TGFBRAP1: variants seen among roughly 807,000 people sequenced by gnomAD.
TGFBRAP1 encodes the protein transforming growth factor beta receptor associated protein 1, also known as transforming growth factor-beta receptor-associated protein 1.
A neutral mutation model predicts 83.2 loss-of-function variants in TGFBRAP1; 20 were observed. The observed-to-expected ratio is 0.24, with a 90% CI of 0.17 to 0.35. TGFBRAP1 has a LOEUF of 0.35. Ranked by LOEUF, TGFBRAP1 falls within the 10% of genes least tolerant of loss-of-function variation. The probability of loss-of-function intolerance (pLI) is 1.00; values close to 1 mark genes in which losing one functional copy is unlikely to be tolerated. For missense variants in TGFBRAP1, 950 were observed against 1,099.4 expected (o/e 0.86, Z 1.92); for synonymous variants, 415 against 459.8 (o/e 0.90, Z 1.25).
intron 1 of TGFBRAP1, among the ~76,000 whole-genome samples, chr2:105,314,211 T>C (rs555295738): frequency 6.6e-6 from 1 of 152,058 alleles, no homozygotes; most frequent in East Asian, 1.9e-4. Context: ...TGAAGTAATA[T>C]TTCTGTTGTT....
chr2:105,267,316 C>T lies in TGFBRAP1; in HGVS notation c.*67G>A, dbSNP rs955663075. On this transcript the variant is annotated 3_prime_UTR_variant, in exon 12 of 12. Transcript: ENST00000393359. ...GGCTGACACAGAGCATGGTGGTCAT[C>T]TGCTCTTCATGTCCAGCAGGCTCAG... The T allele has an allele frequency of 3.2e-6, 5 of 1,583,894 alleles. No individual in the cohort carries two copies. Among genetic ancestry groups the T allele is most frequent in the Non-Finnish European group, 4.3e-6 (5 of 1,162,806 alleles).
intron 1 of TGFBRAP1, among the ~76,000 whole-genome samples, chr2:105,314,060 A>G (rs1359107913): frequency 6.6e-6 from 1 of 151,964 alleles, no homozygotes; most frequent in East Asian, 1.9e-4. Flanking sequence ...GTGTCCTTAT[A>G]AAAAGGGGAA....
downstream of TGFBRAP1, among the ~76,000 whole-genome samples, chr2:105,261,193 C>T (rs1676779455): frequency 6.6e-6 from 1 of 152,136 alleles, no homozygotes. Flanking sequence ...CTGACCACCC[C>T]AGTTCTATCA....
rs375639571 is a variant in TGFBRAP1, at chr2:105,298,711, A to G, written c.689-6T>C. The G allele has an allele frequency of 3.6e-5, 56 of 1,563,528 alleles. No homozygotes were observed. Among genetic ancestry groups the G allele is most frequent in the Non-Finnish European group, 4.8e-5 (55 of 1,148,662 alleles). ...TGCGACTGTGGCAAACATGCCTAGA[A>G]GTAAGAAGAAAGAGTTAGGTAGGCT... On this transcript the variant is annotated splice_region_variant and splice_polypyrimidine_tract_variant and intron_variant, in intron 2 of 11. Transcript: ENST00000393359.
At position 105,269,721 on chromosome 2, in the gene TGFBRAP1, T is replaced by C. The variant is rs1435803200; in HGVS notation, c.1973-16A>G. 6 of 1,498,508 alleles carry C rather than the reference T, an allele frequency of 4.0e-6. No homozygotes were observed. Among genetic ancestry groups the C allele is most frequent in the African/African-American group, 1.4e-5 (1 of 72,004 alleles). The allele number at this position is 1,498,508 out of a possible 1,614,324, so 92.8% of individuals were successfully genotyped here. On this transcript the variant is annotated splice_polypyrimidine_tract_variant and intron_variant, in intron 10 of 11. Coordinates refer to ENST00000393359, the MANE Select transcript of TGFBRAP1 (RefSeq NM_004257.6). The surrounding 1 kb of genome is among the most constrained non-coding windows in gnomAD (Gnocchi z 4.1). ...TGCAGCCTCTCTGCAAGACAGAACC[T>C]GCAGCTCAGAAAGAAAGGGGCTCGC... is the stretch of plus-strand genomic sequence containing the variant.
At chr2:105,282,289 C>G (rs1348390318) in intron 5 of TGFBRAP1, among the ~76,000 whole-genome samples, 1 of 152,182 alleles carries the variant, frequency 6.6e-6, no homozygotes, top group Non-Finnish European at 1.5e-5. Flanking sequence ...GATACAACGA[C>G]AGGGTGCAGG....
Position 105,305,918 on chromosome 2 carries a change from G to C in TGFBRAP1, c.688+1696C>G, listed in dbSNP as rs963281205. Among the ~76,000 whole-genome samples, 5 of 152,174 alleles carry C rather than the reference G, an allele frequency of 3.3e-5. No homozygotes were observed. In the East Asian group the frequency reaches 9.6e-4, roughly 29 times the overall value. ...GATCTGCCTGCTTCGGCATCCCAAA[G>C]TGCTGGGATTACAGGCGTGAGCCAC... is the stretch of plus-strand genomic sequence containing the variant. On this transcript the variant is annotated intron_variant, in intron 2 of 11. Transcript: ENST00000393359.
At chr2:105,320,624 A>G (rs1679028546) in intron 1 of TGFBRAP1, among the ~76,000 whole-genome samples, 1 of 152,230 alleles carries the variant, frequency 6.6e-6, no homozygotes, top group Non-Finnish European at 1.5e-5. Context: ...CACAGCCCTT[A>G]AAATTTTAAC....
At chr2:105,290,160 G>A (rs1411320026) in intron 4 of TGFBRAP1, among the ~76,000 whole-genome samples, 3 of 152,172 alleles carry the variant, frequency 2.0e-5, no homozygotes, top group Non-Finnish European at 2.9e-5. Context: ...TCCGCCTCAC[G>A]GGTTCAAGTG....
In TGFBRAP1 at chr2:105,308,991, G is replaced by T. The variant is rs186060554; in HGVS notation, c.-17-673C>A. Among the ~76,000 whole-genome samples the T allele has an allele frequency of 3.9e-4, 60 of 152,324 alleles. 1 individual carries two copies. The highest frequency in any genetic ancestry group is 7.7e-4 in the East Asian group (4 of 5,172). ...TCCGGAGTAAATGTATTCATGTGGA[G>T]AGTAAAGGTGTGCCTCGGATCTCGA... On this transcript the variant is annotated intron_variant, in intron 1 of 11. Transcript: ENST00000393359.
intron 2 of TGFBRAP1, among the ~76,000 whole-genome samples, chr2:105,305,048 T>C (rs1050295553): frequency 3.4e-4 from 52 of 152,184 alleles, no homozygotes; most frequent in African/African-American, 1.0e-3. Flanking sequence ...TTGTCGAGCA[T>C]GGCCCCTAAT....
the TGFBRAP1 span, among the ~76,000 whole-genome samples, chr2:105,257,775 G>C: frequency 6.6e-6 from 1 of 152,128 alleles, no homozygotes; most frequent in Non-Finnish European, 1.5e-5. Context: ...AAAGTCATCT[G>C]CTTATTGCCC....
At position 105,269,451 on chromosome 2, in the gene TGFBRAP1, G is replaced by A. The variant is rs752965853; in HGVS notation, c.2227C>T (p.Arg743Cys). The change falls in exon 11 of 12, where the codon CGC (arginine) becomes TGC (cysteine). Residue 743 changes from arginine to cysteine, a missense_variant. By Grantham distance (180) the Arg-to-Cys change is radical. Coordinates refer to ENST00000393359, the MANE Select transcript of TGFBRAP1 (RefSeq NM_004257.6). This position sits in a 1 kb window ranked among gnomAD's most constrained non-coding sequence, Gnocchi z 4.1. ...LAVAAVDLLNRHATEFDAAQV... is the reference protein window; with the variant it reads ...LAVAAVDLLNCHATEFDAAQV... ...GCTGCATCAAATTCGGTGGCGTGGC[G>A]GTTCAGCAGGTCCACGGCAGCCACG... The A allele has an allele frequency of 1.4e-5, 23 of 1,613,536 alleles. No homozygotes were observed. The highest frequency in any genetic ancestry group is 8.0e-5 in the African/African-American group (6 of 74,870).
At chr2:105,314,297 C>G (rs1678783430) in intron 1 of TGFBRAP1, among the ~76,000 whole-genome samples, 1 of 141,240 alleles carries the variant, frequency 7.1e-6, no homozygotes, top group South Asian at 2.3e-4. Context: ...GTCGCCCAGG[C>G]TGGAGTGCAG....
chr2:105,257,435 C>T, the TGFBRAP1 span, among the ~76,000 whole-genome samples: 1 of 152,172 alleles, frequency 6.6e-6, no homozygotes, highest in Non-Finnish European at 1.5e-5. Context: ...CTTCCCAGCC[C>T]CTGGCACCCA....
chr2:105,268,355 T>C (rs1401228483), intron 11 of TGFBRAP1, among the ~76,000 whole-genome samples: 2 of 152,148 alleles, frequency 1.3e-5, no homozygotes, highest in East Asian at 3.9e-4. Context: ...GGGTAACAGC[T>C]GTGAATGCGA....
At chr2:105,324,057 A>G (rs1679149397) in intron 1 of TGFBRAP1, among the ~76,000 whole-genome samples, 1 of 152,162 alleles carries the variant, frequency 6.6e-6, no homozygotes, top group Admixed American at 6.5e-5. Flanking sequence ...AGAATAAGTG[A>G]CAATTAAATG....
the TGFBRAP1 span, among the ~76,000 whole-genome samples, chr2:105,258,936 T>C: frequency 2.0e-5 from 3 of 152,212 alleles, no homozygotes; most frequent in South Asian, 6.2e-4. Context: ...ACAAGATACC[T>C]GAAAATTACA....
At chr2:105,262,405 C>T (rs1010764376), downstream of TGFBRAP1, among the ~76,000 whole-genome samples, 20 of 152,190 alleles carry the variant, frequency 1.3e-4, 1 homozygote, top group Non-Finnish European at 4.4e-5. Context: ...GATGCATCTG[C>T]TCCCCCTTGG....
Sources: allele counts gnomAD v4.1 joint callset (sites outside exome capture counted in the v4.1 genomes callset), GRCh38; gene constraint gnomAD v4.1.1; non-coding constraint Gnocchi (gnomAD v3.1); transcripts MANE v1.5; gene names NCBI Gene and HGNC (gene_info 2026-07-23, HGNC 2026-07-21).